AIFM3: variants seen among roughly 807,000 people sequenced by gnomAD.
The protein encoded by AIFM3 is apoptosis-inducing factor 3.
In AIFM3, 71 loss-of-function variants were observed where a neutral mutation model predicts 82.7. The ratio of observed to expected loss-of-function variants is 0.86; its 90% CI spans 0.71 to 1.05. The LOEUF (loss-of-function observed/expected upper bound fraction) is 1.05, where lower values mean the gene tolerates loss of function less well. AIFM3 is among the 50% of genes least tolerant of loss of function. The probability of loss-of-function intolerance (pLI) is 0.00; values close to 1 mark genes in which losing one functional copy is unlikely to be tolerated. For synonymous variants in AIFM3, 337 were observed against 329.1 expected, an observed-to-expected ratio of 1.02 and a Z score of -0.26; for missense variants, 748 against 816.7, an observed-to-expected ratio of 0.92 and a Z score of 1.03.
intron 1 of AIFM3, 164 bp from the exon 2 acceptor site, chr22:20,967,641 A>G: frequency 2.0e-6 from 1 of 490,106 alleles, no homozygotes; most frequent in Non-Finnish European, 3.6e-6. Context: ...AGGGCTTCAA[A>G]GGGGAGGTGA....
intron 2 of AIFM3, among the ~76,000 whole-genome samples, chr22:20,968,922 G>A (rs538010990): frequency 6.6e-6 from 1 of 152,304 alleles, no homozygotes; most frequent in African/African-American, 2.4e-5. Flanking sequence ...GTCTAAGGGA[G>A]AACTTGGGCG....
chr22:20,976,316 T>C lies in AIFM3; in HGVS notation c.899+10T>C. 2.5e-6 allele frequency: 4 copies of C among 1,613,610 alleles called. No homozygotes were observed. The South Asian group carries it at 4.4e-5, about 18-fold the overall frequency. ...TGGCACCAGGGAGCAGGTGGGAGGGTCTCCTTTTTACCCATCGGACACTAG... is the reference window on the plus strand; with the variant it reads ...TGGCACCAGGGAGCAGGTGGGAGGGCCTCCTTTTTACCCATCGGACACTAG... On this transcript the variant is annotated intron_variant, in intron 10 of 20. Transcript: ENST00000440238.
intron 2 of AIFM3, 141 bp downstream of exon 2, chr22:20,968,116 G>A (rs1288468730): frequency 1.0e-5 from 9 of 870,540 alleles, no homozygotes; most frequent in East Asian, 5.5e-5. Flanking sequence ...ATGTTAATAC[G>A]CTGCCGCCAG....
At chr22:20,977,284 T>C (rs1417117676) in intron 14 of AIFM3, 189 bp downstream of exon 14, 3 of 732,902 alleles carry the variant, frequency 4.1e-6, no homozygotes, top group Non-Finnish European at 6.7e-6. Flanking sequence ...AGCCCAGGCC[T>C]GGCACAGTGG....
rs542385072 is a variant in AIFM3, at chr22:20,980,864, C to T, written c.1778+97C>T. On this transcript the variant is annotated intron_variant, in intron 20 of 20. Transcript: ENST00000440238. The stretch of plus-strand genomic sequence containing the variant: ...TATCTCCCTCTGTCCAAGTACACCT[C>T]CCTGCTGGGCACTAGGGTCTGGCAC... 372 of 1,608,418 alleles carry T rather than the reference C, an allele frequency of 2.3e-4. No individual in the cohort carries two copies. In the African/African-American group the frequency reaches 4.4e-3, roughly 19 times the overall value.
At position 20,980,108 on chromosome 22, in the gene AIFM3, C is replaced by A; in HGVS notation, c.1741C>A (p.Arg581=). 6.2e-7 allele frequency: 1 copy of A among 1,608,538 alleles called. No homozygotes were observed. The change falls in exon 19 of 21, where the codon CGG becomes AGG. Residue 581 remains arginine, a synonymous_variant. Coordinates refer to ENST00000440238, the MANE Select transcript of AIFM3 (RefSeq NM_001386814.1). ...GGTGCTGGCCTCAGGCCGTGCCATC[C>A]GGAAGCGGGAGGTGGAGTGAGTGTG... The part of the protein sequence containing the change: ...AEVLASGRAI[R]KREVELFVLH...
rs773544708 is a variant in AIFM3 at position 20,977,698 on chromosome 22, A to T, written c.1283-2A>T. The T allele has an allele frequency of 5.6e-6, 9 of 1,613,730 alleles. No individual in the cohort carries two copies. The Admixed American group carries it at 8.3e-5, about 15-fold the overall frequency. On this transcript the variant is annotated splice_acceptor_variant, in intron 14 of 20. Coordinates refer to ENST00000440238, the MANE Select transcript of AIFM3 (RefSeq NM_001386814.1). LOFTEE classifies it high-confidence loss of function. The stretch of plus-strand genomic sequence containing the variant: ...AGTGGACACAGGCTTCCGTCCTGTC[A>T]GGTGCAGTGCCCGCCACAGGCTTCC...
chr22:20,967,936 C>T lies in AIFM3; in HGVS notation c.-9C>T, dbSNP rs1254254842. ...CTCCTGCCTGCCGGCCATCCTCAGG[C>T]CACTCGCCATGGGCGGCTGCTTCTC... On this transcript the variant is annotated 5_prime_UTR_variant, in exon 2 of 21. Coordinates refer to ENST00000440238, the MANE Select transcript of AIFM3 (RefSeq NM_001386814.1). The T allele has an allele frequency of 1.2e-6, 2 of 1,614,014 alleles. No individual in the cohort carries two copies. Among genetic ancestry groups the T allele is most frequent in the Non-Finnish European group, 1.7e-6 (2 of 1,179,990 alleles).
intron 17 of AIFM3, 28 bp from the exon 18 acceptor site, chr22:20,979,599 G>C (rs1360189058): frequency 6.2e-7 from 1 of 1,613,642 alleles, no homozygotes; most frequent in Non-Finnish European, 8.5e-7. Context: ...CGGCTCACGT[G>C]GGTGCCACCC....
In AIFM3 at chr22:20,967,856, AG is replaced by A. The variant is rs751844786; in HGVS notation, c.-84del. 1.4e-6 allele frequency: 2 copies of A among 1,450,334 alleles called. No homozygotes were observed. Among genetic ancestry groups the A allele is most frequent in the South Asian group, 1.1e-5 (1 of 87,786 alleles). 89.8% of individuals were successfully genotyped at this position (1,450,334 alleles called of 1,614,324 possible). A position where few individuals can be genotyped will look rare whatever the true frequency, so the allele number is the denominator to read the frequency against. ...CGGCTCCAGCGTCTCTAAGGCCTGC[AG>A]GGGGTCCAGCCCCATGGGGGGCGCC... On this transcript the variant is annotated 5_prime_UTR_variant, in exon 2 of 21. It removes the in-frame stop codon of an upstream open reading frame in the 5' UTR. Transcript: ENST00000440238.
At chr22:20,968,602 G>A (rs546785479) in intron 2 of AIFM3, among the ~76,000 whole-genome samples, 1 of 152,092 alleles carries the variant, frequency 6.6e-6, no homozygotes, top group Admixed American at 6.6e-5. Context: ...GGGGTGCTAG[G>A]GGAGGCCTGG....
At chr22:20,976,588 C>T in intron 11 of AIFM3, 50 bp downstream of exon 11, 5 of 1,613,076 alleles carry the variant, frequency 3.1e-6, no homozygotes, top group Non-Finnish European at 4.2e-6. Flanking sequence ...CATGGCCAGT[C>T]CCAGGGAAGT....
intron 19 of AIFM3, 33 bp from the exon 20 acceptor site, chr22:20,980,714 T>C: frequency 6.2e-7 from 1 of 1,614,144 alleles, no homozygotes; most frequent in Middle Eastern, 1.6e-4. Flanking sequence ...CTCCTTGGCC[T>C]TCTCTCCGTT....
At chr22:20,974,367 G>A in intron 6 of AIFM3, 71 bp downstream of exon 6, 1 of 1,588,414 alleles carries the variant, frequency 6.3e-7, no homozygotes. Context: ...AGAATGCCAT[G>A]TGCAAAGCCC....
Position 20,973,748 on chromosome 22 carries a change from G to A in AIFM3, c.246-10G>A, listed in dbSNP as rs1321488499. The A allele has an allele frequency of 1.6e-5, 24 of 1,539,450 alleles. No individual in the cohort carries two copies. Among genetic ancestry groups the A allele is most frequent in the African/African-American group, 2.7e-5 (2 of 73,290 alleles). ...GTCTGGCCTGACCTCTGAGTGCTGC[G>A]GTTCCCCAGGATGCGGGAAGTGGAG... On this transcript the variant is annotated splice_polypyrimidine_tract_variant and intron_variant, in intron 3 of 20. Coordinates refer to ENST00000440238, the MANE Select transcript of AIFM3 (RefSeq NM_001386814.1).
chr22:20,972,529 TC>T (rs1387237116), intron 2 of AIFM3, among the ~76,000 whole-genome samples: 2 of 152,164 alleles, frequency 1.3e-5, no homozygotes, highest in Non-Finnish European at 2.9e-5. Context: ...ACCCTTGACT[TC>T]CTGTCACCCA....
In AIFM3 at chr22:20,979,698, A is replaced by C. The variant is rs1923958915; in HGVS notation, c.1648A>C (p.Thr550Pro). 6.2e-7 allele frequency: 1 copy of C among 1,614,026 alleles called. No individual in the cohort carries two copies. The highest frequency in any genetic ancestry group is 1.7e-5 in the Admixed American group (1 of 59,994). ...GGAGCTGAAGTTTGTGGCTTTTTACACTAAGTGAGAGCACCGGGGTGCAGC... is the reference window on the plus strand; with the variant it reads ...GGAGCTGAAGTTTGTGGCTTTTTACCCTAAGTGAGAGCACCGGGGTGCAGC... ...LEELKFVAFYTKGDEVIAVAS... is the reference protein window; with the variant it reads ...LEELKFVAFYPKGDEVIAVAS... Residue 550 changes from threonine (T) to proline (P), a missense_variant, in exon 18 of 21, where the codon ACT (threonine) becomes CCT (proline). By Grantham distance (38) the Thr-to-Pro change is conservative. Around this residue, in one of 5 missense-constraint regions of AIFM3, gnomAD observed 183 missense variants for 158.2 expected, o/e 1.16. Transcript: ENST00000440238.
Position 20,977,116 on chromosome 22 carries a change from G to A in AIFM3, c.1282+21G>A, listed in dbSNP as rs777468846. ...CATTGGTGAGTTGGTGTGTGGGCAG[G>A]CAGGCACAAAGCAGCCCAGCCGTCT... On this transcript the variant is annotated intron_variant, in intron 14 of 20. Coordinates refer to ENST00000440238, the MANE Select transcript of AIFM3 (RefSeq NM_001386814.1). 33 of 1,613,594 alleles carry A rather than the reference G, an allele frequency of 2.0e-5. No individual in the cohort carries two copies. The South Asian group carries it at 3.6e-4, about 18-fold the overall frequency.
rs1424420903 is a variant in AIFM3 at position 20,981,282 on chromosome 22, C to G, written c.*251C>G. On this transcript the variant is annotated 3_prime_UTR_variant, in exon 21 of 21. Transcript: ENST00000440238. Reference sequence around the variant, plus strand: ...AGGACAAGCCCTGCCTCTTCTCCCTCTATTGGGACTGGTCCCCTGAAGAAC... The same window carrying G: ...AGGACAAGCCCTGCCTCTTCTCCCTGTATTGGGACTGGTCCCCTGAAGAAC... 1.8e-6 allele frequency: 1 copy of G among 562,116 alleles called. No individual in the cohort carries two copies. The highest frequency in any genetic ancestry group is 3.2e-6 in the Non-Finnish European group (1 of 312,144). 34.8% of individuals were successfully genotyped at this position (562,116 alleles called of 1,614,324 possible).
Sources: gnomAD v4.1 joint callset for allele counts (sites outside exome capture counted in the v4.1 genomes callset) on GRCh38, gnomAD v4.1.1 for gene constraint, gnomAD v4.1.1 regional missense constraint, MANE v1.5 for transcripts, NCBI Gene and HGNC (gene_info 2026-07-23, HGNC 2026-07-21) for gene names.